Variants in LMX1B observed in about 807,000 individuals in gnomAD.
The protein encoded by LMX1B is LIM homeobox transcription factor 1-beta.
LMX1B carries 12 observed loss-of-function variants against 51.4 expected under a neutral mutation model. The ratio of observed to expected loss-of-function variants is 0.23; its 90% CI spans 0.15 to 0.38. LMX1B has a LOEUF of 0.38. LMX1B is among the 10% of genes least tolerant of loss of function. The probability of loss-of-function intolerance (pLI) is 1.00; values close to 1 mark genes in which losing one functional copy is unlikely to be tolerated. For missense variants in LMX1B, 445 were observed against 571.1 expected (o/e 0.78, Z 2.25); for synonymous variants, 237 against 235.4 (o/e 1.01, Z -0.06).
intron 2 of LMX1B, among the ~76,000 whole-genome samples, chr9:126,687,214 T>TC: frequency 8.5e-6 from 1 of 118,194 alleles, no homozygotes; most frequent in Non-Finnish European, 1.8e-5. Context: ...GGATGATCAT[T>TC]CCCTTTTTTT....
intron 6 of LMX1B, among the ~76,000 whole-genome samples, chr9:126,694,920 A>G (rs898114027): frequency 2.0e-5 from 3 of 151,876 alleles, no homozygotes; most frequent in African/African-American, 7.3e-5. Flanking sequence ...CGTATGCTCC[A>G]TCCTGCCCAC....
At chr9:126,629,917 G>A (rs556158278) in intron 2 of LMX1B, among the ~76,000 whole-genome samples, 2 of 151,852 alleles carry the variant, frequency 1.3e-5, no homozygotes, top group East Asian at 1.9e-4. Context: ...AGACCAAGGC[G>A]GGTGGATCAT....
Position 126,615,494 on chromosome 9 carries a change from C to T in LMX1B, c.251C>T (p.Ala84Val), listed in dbSNP as rs377436751. 59 of 1,611,366 alleles carry T rather than the reference C, an allele frequency of 3.7e-5. No homozygotes were observed. The highest frequency in any genetic ancestry group is 4.4e-5 in the Non-Finnish European group (52 of 1,178,738). ...SSWHEECLQC[A>V]ACQQALTTSC... ...TGGCACGAGGAGTGTTTGCAGTGCG[C>T]GGCGTGTCAGCAAGCCCTCACCACC... Residue 84 changes from alanine (A) to valine (V), a missense_variant, in exon 2 of 8, where the codon GCG becomes GTG. Physicochemically the swap from Ala to Val is moderately conservative, Grantham distance 64. This residue lies in a region of LMX1B where 273 missense variants were observed against 343.3 expected (regional missense o/e 0.80). Transcript: ENST00000373474. The surrounding 1 kb of genome is among the most constrained non-coding windows in gnomAD (Gnocchi z 6.0).
intron 2 of LMX1B, among the ~76,000 whole-genome samples, chr9:126,689,868 G>A (rs2030058797): frequency 6.6e-6 from 1 of 152,196 alleles, no homozygotes; most frequent in Non-Finnish European, 1.5e-5. Flanking sequence ...TCTAAAATGG[G>A]GTTAATGTTC....
chr9:126,615,268 G>C lies in LMX1B; in HGVS notation c.140-115G>C, dbSNP rs1835280205. On this transcript the variant is annotated intron_variant, in intron 1 of 7. Transcript: ENST00000373474. This position sits in a 1 kb window ranked among gnomAD's most constrained non-coding sequence, Gnocchi z 6.0. ...GTCCGGGGAGCGCAGGCGGCAGGCG[G>C]TGATCCCGGGCGGCCCGAGCCCTCG... 1 of 635,542 alleles carries C rather than the reference G, an allele frequency of 1.6e-6. No individual in the cohort carries two copies. Among genetic ancestry groups the C allele is most frequent in the East Asian group, 4.6e-5 (1 of 21,642 alleles). The allele number at this position is 635,542 out of a possible 1,614,324, so 39.4% of individuals were successfully genotyped here. A position where few individuals can be genotyped will look rare whatever the true frequency, so the allele number is the denominator to read the frequency against.
intron 2 of LMX1B, among the ~76,000 whole-genome samples, chr9:126,622,833 G>GGCA (rs1322603976): frequency 2.0e-5 from 3 of 152,216 alleles, no homozygotes; most frequent in Admixed American, 6.5e-5. Context: ...TACAGAATGG[G>GGCA]GATCCAGAAT....
chr9:126,642,682 GGAGGGTCTGCT>G (rs1209222623), intron 2 of LMX1B, among the ~76,000 whole-genome samples: 1 of 152,214 alleles, frequency 6.6e-6, no homozygotes, highest in Non-Finnish European at 1.5e-5. Context: ...TAGACACTGG[GGAGGGTCTGCT>G]GAGTGAATGG....
In LMX1B at chr9:126,626,366, G is replaced by T. The variant is rs1835532050; in HGVS notation, c.326+10797G>T. On this transcript the variant is annotated intron_variant, in intron 2 of 7. Coordinates refer to ENST00000373474, the MANE Select transcript of LMX1B (RefSeq NM_001174147.2). The surrounding 1 kb of genome is among the most constrained non-coding windows in gnomAD (Gnocchi z 4.3). ...AGCAGGAAGTGATGCTTCCATCTCT[G>T]ACAGCATAGGGACCGGGAGCTCCGA... Among the ~76,000 whole-genome samples the T allele has an allele frequency of 6.6e-6, 1 of 152,250 alleles. No homozygotes were observed. Among genetic ancestry groups the T allele is most frequent in the Non-Finnish European group, 1.5e-5 (1 of 68,042 alleles).
intron 2 of LMX1B, among the ~76,000 whole-genome samples, chr9:126,628,293 C>G (rs557966911): frequency 6.6e-6 from 1 of 152,222 alleles, no homozygotes. Context: ...GGGGAGCAGC[C>G]GGCTGGGTCA....
intron 2 of LMX1B, among the ~76,000 whole-genome samples, chr9:126,647,513 A>G (rs1835924806): frequency 2.0e-5 from 3 of 152,152 alleles, no homozygotes; most frequent in Non-Finnish European, 1.5e-5. Flanking sequence ...TCATTTAACT[A>G]GTCCCCTGAT....
At chr9:126,652,962 A>C (rs1436245394) in intron 2 of LMX1B, among the ~76,000 whole-genome samples, 4 of 152,108 alleles carry the variant, frequency 2.6e-5, no homozygotes, top group African/African-American at 9.7e-5. Context: ...AGGATGGGCC[A>C]GCTGAGGGCT....
intron 2 of LMX1B, among the ~76,000 whole-genome samples, chr9:126,616,971 G>C (rs1835315242): frequency 6.6e-6 from 1 of 152,222 alleles, no homozygotes; most frequent in African/African-American, 2.4e-5. Context: ...TGTTTTGCTG[G>C]TCCCAGAGTG....
chr9:126,647,613 G>A (rs1588278564), intron 2 of LMX1B, among the ~76,000 whole-genome samples: 1 of 152,308 alleles, frequency 6.6e-6, no homozygotes, highest in East Asian at 1.9e-4. Flanking sequence ...GGCTCAGGGT[G>A]CTGAAGTGTT....
intron 2 of LMX1B, among the ~76,000 whole-genome samples, chr9:126,652,931 C>A (rs1304703406): frequency 6.6e-6 from 1 of 152,096 alleles, no homozygotes; most frequent in Non-Finnish European, 1.5e-5. Context: ...GAGGCCAAGG[C>A]ACGGGCCAGA....
chr9:126,658,119 G>A lies in LMX1B; in HGVS notation c.327-32717G>A, dbSNP rs906940948. Among the ~76,000 whole-genome samples, 3 of 152,048 alleles carry A rather than the reference G, an allele frequency of 2.0e-5. No individual in the cohort carries two copies. The highest frequency in any genetic ancestry group is 7.3e-5 in the African/African-American group (3 of 41,378). ...GAACAACCAAGCCGGAGACTCCTGG[G>A]TATGAAGGGCAGAGAGGGAATCCCC... On this transcript the variant is annotated intron_variant, in intron 2 of 7. Coordinates refer to ENST00000373474, the MANE Select transcript of LMX1B (RefSeq NM_001174147.2). The surrounding 1 kb of genome is among the most constrained non-coding windows in gnomAD (Gnocchi z 4.0).
intron 2 of LMX1B, among the ~76,000 whole-genome samples, chr9:126,623,579 TC>T (rs964825775): frequency 2.6e-5 from 4 of 151,854 alleles, no homozygotes; most frequent in African/African-American, 9.7e-5. Context: ...GTAGCAGATT[TC>T]CCCCCCAGGC....
In LMX1B at chr9:126,626,631, A is replaced by G. The variant is rs1407713880; in HGVS notation, c.326+11062A>G. Among the ~76,000 whole-genome samples the G allele has an allele frequency of 6.6e-6, 1 of 152,144 alleles. No homozygotes were observed. Among genetic ancestry groups the G allele is most frequent in the Non-Finnish European group, 1.5e-5 (1 of 68,018 alleles). On this transcript the variant is annotated intron_variant, in intron 2 of 7. Transcript: ENST00000373474. The surrounding 1 kb of genome is among the most constrained non-coding windows in gnomAD (Gnocchi z 4.3). ...GGTGGGGGAGAGACTTTCTCCCTCGAAACACTTGATACCAACTTTGTTTTT... is the reference window on the plus strand; with the variant it reads ...GGTGGGGGAGAGACTTTCTCCCTCGGAACACTTGATACCAACTTTGTTTTT...
rs1836445284 is a variant in LMX1B at position 126,671,271 on chromosome 9, A to G, written c.327-19565A>G. 6.6e-6 allele frequency among the ~76,000 whole-genome samples: 1 copy of G among 152,092 alleles called. No individual in the cohort carries two copies. Among genetic ancestry groups the G allele is most frequent in the African/African-American group, 2.4e-5 (1 of 41,410 alleles). ...GTCATAAATTTCTTGAGATGCTTTA[A>G]TTTTTTAAAAGCCCCACGTAGATGC... On this transcript the variant is annotated intron_variant, in intron 2 of 7. Coordinates refer to ENST00000373474, the MANE Select transcript of LMX1B (RefSeq NM_001174147.2). This position sits in a 1 kb window ranked among gnomAD's most constrained non-coding sequence, Gnocchi z 4.4.
intron 2 of LMX1B, among the ~76,000 whole-genome samples, chr9:126,651,713 A>G (rs1344302745): frequency 2.0e-5 from 3 of 152,106 alleles, no homozygotes; most frequent in South Asian, 4.2e-4. Context: ...ACCCAGATTC[A>G]GGAACATGGG....
Sources: allele counts gnomAD v4.1 joint callset (sites outside exome capture counted in the v4.1 genomes callset), GRCh38; gene constraint gnomAD v4.1.1; regional missense constraint gnomAD v4.1.1; non-coding constraint Gnocchi (gnomAD v3.1); transcripts MANE v1.5; gene names NCBI Gene and HGNC (gene_info 2026-07-23, HGNC 2026-07-21).